Variants in DIDO1 observed in about 807,000 individuals in gnomAD.
DIDO1 encodes death inducer-obliterator 1, also known as death-inducer obliterator 1.
DIDO1 carries 16 observed loss-of-function variants against 99.4 expected under a neutral mutation model. The ratio of observed to expected loss-of-function variants is 0.16; its 90% CI spans 0.11 to 0.24. The LOEUF (loss-of-function observed/expected upper bound fraction) is 0.24, where lower values mean the gene tolerates loss of function less well. Ranked by LOEUF, DIDO1 falls within the 10% of genes least tolerant of loss-of-function variation. The pLI is 1.00. For synonymous variants in DIDO1, 1,366 were observed against 1,239.1 expected, an observed-to-expected ratio of 1.10 and a Z score of -2.15; for missense variants, 2,996 against 3,014.0, an observed-to-expected ratio of 0.99 and a Z score of 0.14.
At position 62,879,417 on chromosome 20, in the gene DIDO1, T is replaced by G; in HGVS notation, c.6539A>C (p.Glu2180Ala). ...DRSRERSRNR[E>A]RERDRRRDRD... The stretch of plus-strand genomic sequence containing the variant: ...GTCGCGCCTCCGGTCTCGCTCGCGC[T>G]CTCGGTTCCTGCTCCGCTCCCGGCT... The change falls in exon 16 of 16, where the codon GAG becomes GCG. Residue 2180 changes from glutamate (E) to alanine (A), a missense_variant. Coordinates refer to ENST00000395343, the MANE Select transcript of DIDO1 (RefSeq NM_001193369.2). This position sits in a 1 kb window ranked among gnomAD's most constrained non-coding sequence, Gnocchi z 6.3. 1.3e-6 allele frequency: 2 copies of G among 1,544,880 alleles called. No homozygotes were observed. Among genetic ancestry groups the G allele is most frequent in the Non-Finnish European group, 1.7e-6 (2 of 1,149,478 alleles).
chr20:62,911,580 C>G lies in DIDO1; in HGVS notation c.33G>C (p.Glu11Asp). Residue 11 changes from glutamate (E) to aspartate (D), a missense_variant, in exon 3 of 16, where the codon GAG (glutamate) becomes GAC (aspartate). Glu to Asp is a conservative substitution (Grantham distance 45). This residue lies in a region of DIDO1 where 388 missense variants were observed against 376.6 expected (regional missense o/e 1.03). Transcript: ENST00000395343. The surrounding 1 kb of genome is among the most constrained non-coding windows in gnomAD (Gnocchi z 7.0). ...TGGTGGGTTTGATGGCCTTAGGTGC[C>G]TCCTCATTGCTCGGGTCGCCTTTGT... MDDKGDPSNE[E>D]APKAIKPTSK... 6 of 1,595,854 alleles carry G rather than the reference C, an allele frequency of 3.8e-6. No homozygotes were observed. The highest frequency in any genetic ancestry group is 5.1e-6 in the Non-Finnish European group (6 of 1,169,340).
At chr20:62,933,126 C>A (rs898398878) in intron 1 of DIDO1, among the ~76,000 whole-genome samples, 4 of 152,128 alleles carry the variant, frequency 2.6e-5, no homozygotes, top group African/African-American at 4.8e-5. Flanking sequence ...GCAGGAGAAT[C>A]GCTTAAACCG....
chr20:62,918,475 TTC>T (rs1480416471), intron 1 of DIDO1, among the ~76,000 whole-genome samples: 2 of 152,246 alleles, frequency 1.3e-5, no homozygotes, highest in Non-Finnish European at 2.9e-5. Context: ...TGAGACTAGT[TTC>T]TGAGTAATTA....
rs766652394 is a variant in DIDO1 at position 62,879,746 on chromosome 20, G to C, written c.6210C>G (p.Phe2070Leu). 9 of 1,611,568 alleles carry C rather than the reference G, an allele frequency of 5.6e-6. No individual in the cohort carries two copies. The highest frequency in any genetic ancestry group is 7.6e-6 in the Non-Finnish European group (9 of 1,179,822). The change falls in exon 16 of 16, where the codon TTC (phenylalanine) becomes TTG (leucine). Residue 2070 changes from phenylalanine to leucine, a missense_variant. Phe to Leu is a conservative substitution (Grantham distance 22). Coordinates refer to ENST00000395343, the MANE Select transcript of DIDO1 (RefSeq NM_001193369.2). This position sits in a 1 kb window ranked among gnomAD's most constrained non-coding sequence, Gnocchi z 6.3. ...EADGQWASAD[F>L]REGKGHEYRN... ...TGTATTCGTGGCCTTTCCCCTCTCG[G>C]AAGTCGGCCGATGCCCACTGTCCGT...
At chr20:62,920,209 C>T (rs988719698) in intron 1 of DIDO1, among the ~76,000 whole-genome samples, 5 of 152,188 alleles carry the variant, frequency 3.3e-5, no homozygotes, top group East Asian at 1.9e-4. Context: ...GAGTGGGGTG[C>T]GCTGCGGGAG....
chr20:62,887,784 C>T, intron 15 of DIDO1: 2 of 985,490 alleles, frequency 2.0e-6, no homozygotes, highest in South Asian at 9.4e-5. Context: ...ACCCCAAGTC[C>T]CTGCGGGGGG....
At position 62,911,386 on chromosome 20, in the gene DIDO1, T is replaced by C. The variant is rs2064936651; in HGVS notation, c.227A>G (p.Gln76Arg). 6.2e-7 allele frequency: 1 copy of C among 1,612,204 alleles called. No individual in the cohort carries two copies. Among genetic ancestry groups the C allele is most frequent in the African/African-American group, 1.3e-5 (1 of 75,044 alleles). Residue 76 changes from glutamine to arginine, a missense_variant, in exon 3 of 16, where the codon CAG becomes CGG. Coordinates refer to ENST00000395343, the MANE Select transcript of DIDO1 (RefSeq NM_001193369.2). The surrounding 1 kb of genome is among the most constrained non-coding windows in gnomAD (Gnocchi z 7.0). ...RQPKRTERVE[Q>R]FLTIARRRGR... The stretch of plus-strand genomic sequence containing the variant: ...GCGGCGCCGCGCAATGGTCAGGAAC[T>C]GCTCCACGCGCTCAGTGCGCTTGGG...
In DIDO1 at chr20:62,895,126, C is replaced by G. The variant is rs749976618; in HGVS notation, c.2254G>C (p.Ala752Pro). The change falls in exon 9 of 16, where the codon GCG becomes CCG. Residue 752 changes from alanine to proline, a missense_variant. Physicochemically the swap from Ala to Pro is conservative, Grantham distance 27. Coordinates refer to ENST00000395343, the MANE Select transcript of DIDO1 (RefSeq NM_001193369.2). ...TCTGGCTTCAGTCTCACAAGTTTCGCCAAAGAGATTTCCTCACGCAGAACA... is the reference window on the plus strand; with the variant it reads ...TCTGGCTTCAGTCTCACAAGTTTCGGCAAAGAGATTTCCTCACGCAGAACA... ...HRVLREEISL[A>P]KLVRLKPEEL... 15 of 1,612,144 alleles carry G rather than the reference C, an allele frequency of 9.3e-6. No homozygotes were observed. Among genetic ancestry groups the G allele is most frequent in the Non-Finnish European group, 1.2e-5 (14 of 1,178,360 alleles).
At position 62,909,921 on chromosome 20, in the gene DIDO1, G is replaced by C; in HGVS notation, c.939C>G (p.Asp313Glu). ...GAATGGTGCAGTTTGGGCAGATATAGTCTTCCCCATTCCTTTCCAAAAGCC... is the reference window on the plus strand; with the variant it reads ...GAATGGTGCAGTTTGGGCAGATATACTCTTCCCCATTCCTTTCCAAAAGCC... ...RGRLLERNGE[D>E]YICPNCTILQ... Residue 313 changes from aspartate to glutamate, a missense_variant, in exon 4 of 16, where the codon GAC becomes GAG. Asp to Glu is a conservative substitution (Grantham distance 45). Transcript: ENST00000395343. 6.8e-6 allele frequency: 11 copies of C among 1,614,112 alleles called. No individual in the cohort carries two copies. Among genetic ancestry groups the C allele is most frequent in the African/African-American group, 1.3e-5 (1 of 75,030 alleles).
intron 1 of DIDO1, among the ~76,000 whole-genome samples, chr20:62,924,859 A>T (rs1472011111): frequency 6.6e-6 from 1 of 152,186 alleles, no homozygotes; most frequent in Non-Finnish European, 1.5e-5. Context: ...ACTACTAATA[A>T]GGGACAGCCT....
intron 1 of DIDO1, among the ~76,000 whole-genome samples, chr20:62,916,377 G>A (rs950972888): frequency 1.3e-5 from 2 of 152,136 alleles, no homozygotes; most frequent in Non-Finnish European, 2.9e-5. Context: ...GCTGATGAGC[G>A]GCGATTCAAG....
chr20:62,890,352 C>A (rs1278794861), intron 15 of DIDO1: 3 of 986,676 alleles, frequency 3.0e-6, no homozygotes, highest in Non-Finnish European at 3.6e-6. Flanking sequence ...TCACCCTCAA[C>A]CCTTGACAAA....
chr20:62,911,189 C>A lies in DIDO1; in HGVS notation c.424G>T (p.Val142Leu). ...TCATCGTGGTCATCCCCTCCTTTCACCTTTTCAGAAGAGGCTGGTCGTTCC... is the reference window on the plus strand; with the variant it reads ...TCATCGTGGTCATCCCCTCCTTTCAACTTTTCAGAAGAGGCTGGTCGTTCC... ...VKERPASSEK[V>L]KGGDDHDDTS... Residue 142 changes from valine to leucine, a missense_variant, in exon 3 of 16, where the codon GTG (valine) becomes TTG (leucine). Around this residue, in one of 5 missense-constraint regions of DIDO1, gnomAD observed 388 missense variants for 376.6 expected, o/e 1.03. Transcript: ENST00000395343. This position sits in a 1 kb window ranked among gnomAD's most constrained non-coding sequence, Gnocchi z 7.0. The A allele has an allele frequency of 6.2e-7, 1 of 1,613,978 alleles. No individual in the cohort carries two copies. The highest frequency in any genetic ancestry group is 8.5e-7 in the Non-Finnish European group (1 of 1,180,046).
intron 4 of DIDO1, 130 bp downstream of exon 4, chr20:62,909,569 G>C (rs939362193): frequency 1.9e-6 from 2 of 1,062,816 alleles, no homozygotes; most frequent in South Asian, 3.1e-5. Context: ...GGTGGAGTGA[G>C]GCAGGAACCC....
chr20:62,936,508 T>TGGCG, intron 1 of DIDO1, among the ~76,000 whole-genome samples: 1 of 149,520 alleles, frequency 6.7e-6, no homozygotes, highest in South Asian at 2.1e-4. Flanking sequence ...TGAGTCGAGA[T>TGGCG]CATGACAGTG....
intron 1 of DIDO1, among the ~76,000 whole-genome samples, chr20:62,918,056 T>C (rs1052788968): frequency 2.6e-5 from 4 of 152,202 alleles, no homozygotes; most frequent in Non-Finnish European, 5.9e-5. Context: ...ACTTTAAACA[T>C]TTCCTTCCAC....
intron 1 of DIDO1, among the ~76,000 whole-genome samples, chr20:62,925,114 A>C (rs1006122769): frequency 2.0e-5 from 3 of 152,168 alleles, no homozygotes; most frequent in African/African-American, 7.2e-5. Flanking sequence ...CACATACACT[A>C]ACAGCAACCC....
rs1327144751 is a variant in DIDO1 at position 62,881,158 on chromosome 20, G to A, written c.4798C>T (p.Leu1600Phe). 2.5e-6 allele frequency: 4 copies of A among 1,608,352 alleles called. No homozygotes were observed. The highest frequency in any genetic ancestry group is 1.1e-5 in the South Asian group (1 of 90,990). The change falls in exon 16 of 16, where the codon CTC (leucine) becomes TTC (phenylalanine). Residue 1600 changes from leucine to phenylalanine, a missense_variant. Coordinates refer to ENST00000395343, the MANE Select transcript of DIDO1 (RefSeq NM_001193369.2). The surrounding 1 kb of genome is among the most constrained non-coding windows in gnomAD (Gnocchi z 8.3). ...ACTGGCATGGGCGCCTGGCCCACGA[G>A]GCCACCCCTGGAAGCATCTCTCTCG... ...LPERDASRGG[L>F]VGQAPMPVPE...
chr20:62,907,676 C>T (rs940063847), intron 4 of DIDO1, among the ~76,000 whole-genome samples: 2 of 152,214 alleles, frequency 1.3e-5, no homozygotes, highest in Admixed American at 6.5e-5. Flanking sequence ...GATGAGGCTC[C>T]GCTAGAGGAC....
Sources: gnomAD v4.1 joint callset for allele counts (sites outside exome capture counted in the v4.1 genomes callset) on GRCh38, gnomAD v4.1.1 for gene constraint, gnomAD v4.1.1 regional missense constraint, Gnocchi (gnomAD v3.1) non-coding constraint, MANE v1.5 for transcripts, NCBI Gene and HGNC (gene_info 2026-07-23, HGNC 2026-07-21) for gene names.